The following MYH2 variants were observed in gnomAD, a reference collection of about 807,000 sequenced individuals.
The protein encoded by MYH2 is myosin heavy chain 2, also known as myosin-2.
In MYH2, 139 loss-of-function variants were observed where a neutral mutation model predicts 228.1. That is an observed-to-expected ratio of 0.61 (90% CI 0.53 to 0.70). The LOEUF (loss-of-function observed/expected upper bound fraction) is 0.70. MYH2 is among the 30% of genes least tolerant of loss of function. The pLI, the probability that MYH2 is intolerant of heterozygous loss-of-function variation, is 0.00. For missense variants in MYH2, 1,809 were observed against 2,357.5 expected (o/e 0.77, Z 4.82); for synonymous variants, 796 against 871.1 (o/e 0.91, Z 1.52).
At chr17:10,545,230 C>G in intron 5 of MYH2, 116 bp downstream of exon 5, 1 of 1,585,012 alleles carries the variant, frequency 6.3e-7, no homozygotes, top group Non-Finnish European at 8.6e-7. Flanking sequence ...CATAAATACA[C>G]CAGCCTCAAC....
At chr17:10,528,105 G>A (rs1273044029) in intron 27 of MYH2, among the ~76,000 whole-genome samples, 2 of 140,360 alleles carry the variant, frequency 1.4e-5, no homozygotes, top group Non-Finnish European at 3.0e-5. Context: ...GTGCAGTGGC[G>A]TGATCTCGAC....
rs546948489 is a variant in MYH2, at chr17:10,528,812, C to T, written c.3622G>A (p.Glu1208Lys). 85 of 1,614,200 alleles carry T rather than the reference C, an allele frequency of 5.3e-5. No individual in the cohort carries two copies. The South Asian group carries it at 6.9e-4, about 13-fold the overall frequency. Residue 1208 changes from glutamate (E) to lysine (K), a missense_variant, in exon 27 of 40, where the codon GAG becomes AAG. Glu to Lys is a moderately conservative substitution (Grantham distance 56). This residue lies in a region of MYH2 where 636 missense variants were observed against 729.9 expected (regional missense o/e 0.87). Transcript: ENST00000245503. ...LRKKHADSVA[E>K]LGEQIDNLQR... The stretch of plus-strand genomic sequence containing the variant: ...AGGTTGTCAATCTGCTCCCCAAGCT[C>T]GGCCACACTATCTGCATGCTTCTTC...
rs757290160 is a variant in MYH2 at position 10,531,696 on chromosome 17, T to G, written c.2634A>C (p.Glu878Asp). 3 of 1,614,214 alleles carry G rather than the reference T, an allele frequency of 1.9e-6. No individual in the cohort carries two copies. Among genetic ancestry groups the G allele is most frequent in the Admixed American group, 3.3e-5 (2 of 60,028 alleles). Residue 878 changes from glutamate to aspartate, a missense_variant, in exon 22 of 40, where the codon GAA (glutamate) becomes GAC (aspartate). Glu to Asp is a conservative substitution (Grantham distance 45). Coordinates refer to ENST00000245503, the MANE Select transcript of MYH2 (RefSeq NM_017534.6). ...ELAKSEAKRK[E>D]LEEKMVTLLK... ...ACAGCGTCACCATCTTTTCTTCCAGTTCCTTCCTTTTTGCCTCTGACTTGG... is the reference window on the plus strand; with the variant it reads ...ACAGCGTCACCATCTTTTCTTCCAGGTCCTTCCTTTTTGCCTCTGACTTGG...
chr17:10,535,760 C>T (rs547834237), intron 17 of MYH2, among the ~76,000 whole-genome samples: 15 of 152,282 alleles, frequency 9.9e-5, no homozygotes, highest in South Asian at 2.1e-4. Flanking sequence ...CACATTTGGA[C>T]GTTTTCCTTA....
In MYH2 at chr17:10,537,300, T is replaced by G. The variant is rs1041742576; in HGVS notation, c.1830A>C (p.Gly610=). Residue 610 remains glycine (G), a synonymous_variant, in exon 16 of 40, where the codon GGA becomes GGC. Coordinates refer to ENST00000245503, the MANE Select transcript of MYH2 (RefSeq NM_017534.6). This position sits in a 1 kb window ranked among gnomAD's most constrained non-coding sequence, Gnocchi z 4.0. ...NKDPLNETVV[G]LYQKSAMKTL... ...TTTTCATTGCAGACTTCTGGTACAGTCCAACCACGGTCTCATTCAGGGGGT... is the reference window on the plus strand; with the variant it reads ...TTTTCATTGCAGACTTCTGGTACAGGCCAACCACGGTCTCATTCAGGGGGT... The G allele has an allele frequency of 4.5e-5, 73 of 1,614,072 alleles. No homozygotes were observed. Among genetic ancestry groups the G allele is most frequent in the Non-Finnish European group, 5.8e-5 (69 of 1,180,040 alleles).
chr17:10,523,205 C>A lies in MYH2; in HGVS notation c.5578-20G>T, dbSNP rs756436148. The A allele has an allele frequency of 1.9e-6, 3 of 1,609,390 alleles. No homozygotes were observed. The South Asian group carries it at 3.3e-5, about 18-fold the overall frequency. ...TTCCGTCTGAAAGATTATAAAAAGT[C>A]CAGGACCTTAATTACTAAAGCACAT... is the stretch of plus-strand genomic sequence containing the variant. On this transcript the variant is annotated intron_variant, in intron 38 of 39. Coordinates refer to ENST00000245503, the MANE Select transcript of MYH2 (RefSeq NM_017534.6).
intron 22 of MYH2, among the ~76,000 whole-genome samples, chr17:10,530,432 G>A (rs2073411291): frequency 6.6e-6 from 1 of 152,200 alleles, no homozygotes; most frequent in Admixed American, 6.5e-5. Context: ...TTGAGAGAGG[G>A]GTAGGATTTG....
chr17:10,528,788 G>GGTTGTCAA lies in MYH2; in HGVS notation c.3638_3645dup (p.Gln1217ThrfsTer6), dbSNP rs778331462. 1 of 1,614,044 alleles carries GGTTGTCAA rather than the reference G, an allele frequency of 6.2e-7. No homozygotes were observed. The highest frequency in any genetic ancestry group is 8.5e-7 in the Non-Finnish European group (1 of 1,180,018). On this transcript the variant is annotated frameshift_variant, in exon 27 of 40. Coordinates refer to ENST00000245503, the MANE Select transcript of MYH2 (RefSeq NM_017534.6). LOFTEE classifies it high-confidence loss of function. ...TCCAGCTTCTGCTTCACTCGCTGCA[G>GGTTGTCAA]GTTGTCAATCTGCTCCCCAAGCTCG...
Position 10,537,664 on chromosome 17 carries a change from C to A in MYH2, c.1587+1G>T, listed in dbSNP as rs2073499261. On this transcript the variant is annotated splice_donor_variant, in intron 15 of 39. Coordinates refer to ENST00000245503, the MANE Select transcript of MYH2 (RefSeq NM_017534.6). LOFTEE classifies it high-confidence loss of function. The surrounding 1 kb of genome is among the most constrained non-coding windows in gnomAD (Gnocchi z 4.0). Reference sequence around the variant, plus strand: ...TATGGTTTCAGAAATGCAAAACCAACCTTCTCGATGAGCTCGATGCAGGCA... The same window carrying A: ...TATGGTTTCAGAAATGCAAAACCAAACTTCTCGATGAGCTCGATGCAGGCA... The A allele has an allele frequency of 1.9e-6, 3 of 1,614,132 alleles. No individual in the cohort carries two copies. The highest frequency in any genetic ancestry group is 4.5e-5 in the East Asian group (2 of 44,886).
At chr17:10,521,515 A>T in intron 39 of MYH2, 83 bp from the exon 40 acceptor site, 2 of 1,435,138 alleles carry the variant, frequency 1.4e-6, no homozygotes, top group Non-Finnish European at 2.0e-6. Flanking sequence ...AGGACTTGGC[A>T]TCTATGGAGA....
chr17:10,530,156 A>G (rs1597451413), intron 22 of MYH2, 82 bp from the exon 23 acceptor site: 1 of 1,608,748 alleles, frequency 6.2e-7, no homozygotes, highest in East Asian at 2.2e-5. Flanking sequence ...TCTGCATTTG[A>G]TCTTTTGAAT....
chr17:10,529,264 G>A lies in MYH2; in HGVS notation c.3264-12C>T. On this transcript the variant is annotated splice_polypyrimidine_tract_variant and intron_variant, in intron 25 of 39. Coordinates refer to ENST00000245503, the MANE Select transcript of MYH2 (RefSeq NM_017534.6). ...TTTCAAACTCTTTCCTTTTAGAAAA[G>A]TAGCAAAGGACAACAATTTAGTCCG... 1.2e-6 allele frequency: 2 copies of A among 1,614,170 alleles called. No individual in the cohort carries two copies. The highest frequency in any genetic ancestry group is 1.7e-6 in the Non-Finnish European group (2 of 1,180,034).
rs3051834 is a variant in MYH2 at position 10,521,580 on chromosome 17, C to CATATAT, written c.5674-154_5674-149dup. 2.0e-3 allele frequency: 909 copies of CATATAT among 445,358 alleles called. 1 individual carries two copies. The highest frequency in any genetic ancestry group is 2.9e-3 in the Admixed American group (78 of 26,894). 27.6% of individuals were successfully genotyped at this position (445,358 alleles called of 1,614,324 possible). ...AATTTTAAGATTTGTTTATTGATGT[C>CATATAT]ATATATATATATATATATATACACA... On this transcript the variant is annotated intron_variant, in intron 39 of 39. Coordinates refer to ENST00000245503, the MANE Select transcript of MYH2 (RefSeq NM_017534.6).
chr17:10,542,748 A>T (rs1384578249), intron 10 of MYH2, 127 bp downstream of exon 10: 3 of 602,662 alleles, frequency 5.0e-6, no homozygotes, highest in Non-Finnish European at 8.5e-6. Context: ...TACCAAACTC[A>T]CAAAGCTATT....
At chr17:10,522,899 AT>A (rs2073301499) in intron 39 of MYH2, among the ~76,000 whole-genome samples, 190 bp downstream of exon 39, 1 of 151,950 alleles carries the variant, frequency 6.6e-6, no homozygotes, top group South Asian at 2.1e-4. Flanking sequence ...TTTTTTCAGG[AT>A]TCTTGGTGGA....
At chr17:10,527,405 C>A (rs2142296443) in intron 28 of MYH2, among the ~76,000 whole-genome samples, 1 of 152,302 alleles carries the variant, frequency 6.6e-6, no homozygotes, top group South Asian at 2.1e-4. Context: ...CTGGGATATT[C>A]ATTGCCCCAT....
chr17:10,545,634 A>C (rs964387437), intron 4 of MYH2, 132 bp from the exon 5 acceptor site: 1 of 1,212,416 alleles, frequency 8.2e-7, no homozygotes, highest in African/African-American at 1.5e-5. Flanking sequence ...GTGCTACCTC[A>C]GCTCACTGCA....
intron 22 of MYH2, among the ~76,000 whole-genome samples, chr17:10,531,368 A>G (rs577891216): frequency 1.1e-4 from 17 of 152,298 alleles, no homozygotes; most frequent in African/African-American, 3.6e-4. Context: ...ATTTAAAGAG[A>G]AAATAAGTCA....
At chr17:10,541,101 G>A (rs935402432) in intron 10 of MYH2, among the ~76,000 whole-genome samples, 8 of 152,040 alleles carry the variant, frequency 5.3e-5, no homozygotes, top group African/African-American at 9.7e-5. Flanking sequence ...CAAATTGTTC[G>A]TAAAGCATGT....
Sources: gnomAD v4.1 joint callset for allele counts (sites outside exome capture counted in the v4.1 genomes callset) on GRCh38, gnomAD v4.1.1 for gene constraint, gnomAD v4.1.1 regional missense constraint, Gnocchi (gnomAD v3.1) non-coding constraint, MANE v1.5 for transcripts, NCBI Gene and HGNC (gene_info 2026-07-23, HGNC 2026-07-21) for gene names.